Variants in SLC12A2 observed in about 807,000 individuals in gnomAD.
The protein encoded by SLC12A2 is solute carrier family 12 member 2.
Under a neutral mutation model 136.3 loss-of-function variants are expected in SLC12A2, and 67 were observed. The ratio of observed to expected loss-of-function variants is 0.49; its 90% CI spans 0.40 to 0.60. SLC12A2 has a LOEUF of 0.60. SLC12A2 is among the 20% of genes least tolerant of loss of function. The pLI, the probability that SLC12A2 is intolerant of heterozygous loss-of-function variation, is 0.00. For missense variants in SLC12A2, 1,322 were observed against 1,534.7 expected, an observed-to-expected ratio of 0.86 and a Z score of 2.32; for synonymous variants, 619 against 562.9, an observed-to-expected ratio of 1.10 and a Z score of -1.41.
chr5:128,106,592 A>G (rs1760945216), intron 1 of SLC12A2, among the ~76,000 whole-genome samples: 1 of 152,238 alleles, frequency 6.6e-6, no homozygotes, highest in South Asian at 2.1e-4. Flanking sequence ...TAACTAAAAC[A>G]GTTTTAAAAA....
rs1364757270 is a variant in SLC12A2, at chr5:128,187,508, C to G, written c.*877C>G. 6.6e-6 allele frequency: 1 copy of G among 152,020 alleles called. No homozygotes were observed. The highest frequency in any genetic ancestry group is 6.5e-5 in the Admixed American group (1 of 15,268). 9.4% of individuals were successfully genotyped at this position (152,020 alleles called of 1,614,324 possible). A position where few individuals can be genotyped will look rare whatever the true frequency, so the allele number is the denominator to read the frequency against. On this transcript the variant is annotated 3_prime_UTR_variant, in exon 27 of 27. Transcript: ENST00000262461. ...AAATCTGAGGGACTTTTAAGAAATG[C>G]TAACAGATTTTTCTGGAGGAAATTT...
intron 24 of SLC12A2, among the ~76,000 whole-genome samples, chr5:128,183,286 A>C (rs1256049989): frequency 6.6e-6 from 1 of 152,050 alleles, no homozygotes; most frequent in African/African-American, 2.4e-5. Flanking sequence ...GAAAATCTAA[A>C]CATTTGCCTG....
At chr5:128,140,460 A>G (rs2126710460) in intron 9 of SLC12A2, among the ~76,000 whole-genome samples, 1 of 152,358 alleles carries the variant, frequency 6.6e-6, no homozygotes, top group East Asian at 1.9e-4. Context: ...ATTGCTAAAG[A>G]AAATTTAGGC....
intron 1 of SLC12A2, among the ~76,000 whole-genome samples, chr5:128,096,006 TAC>T (rs1760524214): frequency 6.6e-6 from 1 of 152,182 alleles, no homozygotes; most frequent in South Asian, 2.1e-4. Context: ...GATAACTGTA[TAC>T]TGAATTAAAT....
In SLC12A2 at chr5:128,131,182, A is replaced by G. The variant is rs776754421; in HGVS notation, c.1164A>G (p.Ala388=). ...TTGCTATGTATGTGGTTGGATTTGC[A>G]GAAACCGTGGTGGAGTTGCTTAAGG... is the stretch of plus-strand genomic sequence containing the variant. The part of the protein sequence containing the change: ...VAVAMYVVGF[A]ETVVELLKEH... Residue 388 remains alanine, a synonymous_variant, in exon 5 of 27, where the codon GCA becomes GCG. Transcript: ENST00000262461. 15 of 1,614,078 alleles carry G rather than the reference A, an allele frequency of 9.3e-6. No homozygotes were observed. Among genetic ancestry groups the G allele is most frequent in the Non-Finnish European group, 7.6e-6 (9 of 1,180,038 alleles).
intron 19 of SLC12A2, among the ~76,000 whole-genome samples, chr5:128,173,288 A>C (rs1763439481): frequency 6.6e-6 from 1 of 152,194 alleles, no homozygotes; most frequent in African/African-American, 2.4e-5. Flanking sequence ...ATACTATTTC[A>C]ATTATTTCTT....
chr5:128,099,520 T>G (rs1290022047), intron 1 of SLC12A2, among the ~76,000 whole-genome samples: 1 of 152,280 alleles, frequency 6.6e-6, no homozygotes, highest in East Asian at 1.9e-4. Context: ...AATAATAAAT[T>G]AACCTCAGCT....
At chr5:128,107,247 A>G (rs1294346878) in intron 1 of SLC12A2, among the ~76,000 whole-genome samples, 1 of 152,162 alleles carries the variant, frequency 6.6e-6, no homozygotes, top group Non-Finnish European at 1.5e-5. Context: ...ATTGAGCTAC[A>G]CAGTCCCCTA....
chr5:128,144,059 G>C (rs961264561), intron 10 of SLC12A2, among the ~76,000 whole-genome samples: 1 of 151,962 alleles, frequency 6.6e-6, no homozygotes, highest in Admixed American at 6.6e-5. Flanking sequence ...ATGAAAGAAA[G>C]TATTCATGTC....
At chr5:128,134,747 G>A (rs1762132664) in intron 6 of SLC12A2, among the ~76,000 whole-genome samples, 1 of 152,050 alleles carries the variant, frequency 6.6e-6, no homozygotes, top group Admixed American at 6.5e-5. Context: ...AAAGTCACAT[G>A]TTACCCATAA....
intron 4 of SLC12A2, among the ~76,000 whole-genome samples, chr5:128,117,853 A>G (rs752766477): frequency 2.6e-5 from 4 of 152,208 alleles, no homozygotes; most frequent in Admixed American, 6.5e-5. Flanking sequence ...CAAAATCTGC[A>G]AGGAACTCAA....
At chr5:128,181,767 T>A (rs765004829) in intron 23 of SLC12A2, among the ~76,000 whole-genome samples, 26 of 152,124 alleles carry the variant, frequency 1.7e-4, no homozygotes, top group Non-Finnish European at 2.6e-4. Flanking sequence ...TCAGTACACT[T>A]TTCCCTATGC....
chr5:128,112,521 GGAGTCAT>G (rs1761189696), intron 1 of SLC12A2, among the ~76,000 whole-genome samples: 2 of 152,172 alleles, frequency 1.3e-5, no homozygotes, highest in Admixed American at 1.3e-4. Flanking sequence ...TTAGCAAACA[GGAGTCAT>G]TGTTTCCTCC....
chr5:128,110,385 A>T, intron 1 of SLC12A2: 1 of 1,006,858 alleles, frequency 9.9e-7, no homozygotes. Flanking sequence ...TCCCTGGGAA[A>T]GCAAAAACTC....
In SLC12A2 at chr5:128,114,301, T is replaced by G; in HGVS notation, c.952+14T>G. 1 of 1,596,334 alleles carries G rather than the reference T, an allele frequency of 6.3e-7. No individual in the cohort carries two copies. The highest frequency in any genetic ancestry group is 8.6e-7 in the Non-Finnish European group (1 of 1,164,918). Reference sequence around the variant, plus strand: ...AAGCTGGAATAGGTAAGTGAAGTTATATCCTGCTTGATTTGAGAATAAGCA... The same window carrying G: ...AAGCTGGAATAGGTAAGTGAAGTTAGATCCTGCTTGATTTGAGAATAAGCA... On this transcript the variant is annotated intron_variant, in intron 3 of 26. Coordinates refer to ENST00000262461, the MANE Select transcript of SLC12A2 (RefSeq NM_001046.3).
chr5:128,101,841 G>A (rs1760750217), intron 1 of SLC12A2, among the ~76,000 whole-genome samples: 2 of 152,166 alleles, frequency 1.3e-5, no homozygotes, highest in South Asian at 4.1e-4. Context: ...CCACATTCTT[G>A]TGCTATACTG....
chr5:128,109,894 C>T, intron 1 of SLC12A2: 1 of 794,204 alleles, frequency 1.3e-6, no homozygotes, highest in East Asian at 2.4e-5. Flanking sequence ...AGAATTGTGA[C>T]TGGCCTTTGC....
chr5:128,113,829 G>A (rs1761246340), intron 2 of SLC12A2, among the ~76,000 whole-genome samples: 1 of 152,148 alleles, frequency 6.6e-6, no homozygotes, highest in South Asian at 2.1e-4. Context: ...CATGAAATGA[G>A]GATGTTATAA....
chr5:128,150,315 T>C (rs1032172732), intron 13 of SLC12A2, among the ~76,000 whole-genome samples: 12 of 151,756 alleles, frequency 7.9e-5, no homozygotes, highest in Admixed American at 5.9e-4. Flanking sequence ...ATAGGATTAA[T>C]CTCTAATTCT....
Sources: gnomAD v4.1 joint callset for allele counts (sites outside exome capture counted in the v4.1 genomes callset) on GRCh38, gnomAD v4.1.1 for gene constraint, MANE v1.5 for transcripts, NCBI Gene and HGNC (gene_info 2026-07-23, HGNC 2026-07-21) for gene names.